The following ACTR3C variants were observed in gnomAD, a reference collection of about 807,000 sequenced individuals.
ACTR3C encodes the protein actin-related protein 3C.
Under a neutral mutation model 26.3 loss-of-function variants are expected in ACTR3C, and 18 were observed. That is an observed-to-expected ratio of 0.68 (90% CI 0.47 to 1.01). ACTR3C has a LOEUF of 1.01. ACTR3C is among the 50% of genes least tolerant of loss of function. ACTR3C has a pLI of 0.00. For synonymous variants in ACTR3C, 55 were observed against 94.5 expected, an observed-to-expected ratio of 0.58 and a Z score of 2.42; for missense variants, 184 against 250.7, an observed-to-expected ratio of 0.73 and a Z score of 1.80.
the ACTR3C span, among the ~76,000 whole-genome samples, chr7:149,983,398 T>TTA: frequency 1.2e-4 from 16 of 130,162 alleles, no homozygotes; most frequent in Admixed American, 2.4e-4. Flanking sequence ...AGGATTGCTA[T>TTA]TATATATCTA....
chr7:150,319,255 T>C (rs1797243726), intron 1 of ACTR3C, among the ~76,000 whole-genome samples: 1 of 151,646 alleles, frequency 6.6e-6, no homozygotes, highest in Admixed American at 6.6e-5. Flanking sequence ...CTAGGCAGGA[T>C]GGAGTCCAAT....
the ACTR3C span, among the ~76,000 whole-genome samples, chr7:150,103,720 A>G: frequency 2.0e-5 from 3 of 151,948 alleles, no homozygotes; most frequent in African/African-American, 7.3e-5. Context: ...TTGCCTTGTC[A>G]TTTATTTTAG....
chr7:150,170,316 T>C, the ACTR3C span, among the ~76,000 whole-genome samples: 1 of 150,856 alleles, frequency 6.6e-6, no homozygotes, highest in African/African-American at 2.5e-5. Context: ...TAACCCAGTT[T>C]TGAAGGTGGC....
At chr7:150,106,427 A>C in the ACTR3C span, among the ~76,000 whole-genome samples, 1 of 151,574 alleles carries the variant, frequency 6.6e-6, no homozygotes, top group African/African-American at 2.4e-5. Context: ...GTTTGAGAGA[A>C]CTGCCTTCTT....
At chr7:150,242,955 A>G (rs1486757986), downstream of ACTR3C, among the ~76,000 whole-genome samples, 4 of 152,222 alleles carry the variant, frequency 2.6e-5, no homozygotes, top group Non-Finnish European at 4.4e-5. Context: ...ATATGTTCTT[A>G]TCCTCTTTCT....
At chr7:150,209,266 CAG>C in the ACTR3C span, among the ~76,000 whole-genome samples, 12 of 134,280 alleles carry the variant, frequency 8.9e-5, no homozygotes, top group South Asian at 2.3e-4. Flanking sequence ...GAGACAGAAA[CAG>C]AGAGAGAGAG....
At chr7:149,907,280 C>T in the ACTR3C span, among the ~76,000 whole-genome samples, 2,244 of 104,516 alleles carry the variant, frequency 0.021, 24 homozygotes, top group African/African-American at 0.077. Flanking sequence ...CTCCATGCCA[C>T]GCAGAGAAAG....
intron 6 of ACTR3C, among the ~76,000 whole-genome samples, chr7:150,276,960 G>T (rs1377913294): frequency 6.6e-6 from 1 of 152,238 alleles, no homozygotes; most frequent in African/African-American, 2.4e-5. Context: ...AGGTGTTGCT[G>T]TCAGGGTGTT....
chr7:149,975,490 G>A, the ACTR3C span, among the ~76,000 whole-genome samples: 1 of 151,898 alleles, frequency 6.6e-6, no homozygotes, highest in Non-Finnish European at 1.5e-5. Context: ...TCTGCCTTAC[G>A]AAACTAGCAA....
chr7:150,035,850 C>G, the ACTR3C span, among the ~76,000 whole-genome samples: 112 of 124,718 alleles, frequency 9.0e-4, 15 homozygotes, highest in Middle Eastern at 0.011. Context: ...CTCTCCCCCC[C>G]TGCGATGGGG....
the ACTR3C span, among the ~76,000 whole-genome samples, chr7:149,963,271 T>C: frequency 6.6e-6 from 1 of 152,224 alleles, no homozygotes; most frequent in East Asian, 1.9e-4. Context: ...AGTGGGGAAC[T>C]GCTGCCCCAG....
At chr7:150,126,584 CA>C in the ACTR3C span, among the ~76,000 whole-genome samples, 1 of 152,204 alleles carries the variant, frequency 6.6e-6, no homozygotes, top group Non-Finnish European at 1.5e-5. Context: ...AAAGTTACTA[CA>C]AAAGGTGCAA....
chr7:150,113,979 G>A, the ACTR3C span, among the ~76,000 whole-genome samples: 1 of 151,996 alleles, frequency 6.6e-6, no homozygotes, highest in Admixed American at 6.5e-5. Flanking sequence ...TAAAGAGATG[G>A]AGAAGACATC....
the ACTR3C span, among the ~76,000 whole-genome samples, chr7:150,159,363 C>T: frequency 6.6e-6 from 1 of 152,308 alleles, no homozygotes; most frequent in East Asian, 1.9e-4. Context: ...CCCTCCCCCA[C>T]AGCTTCCAGG....
chr7:150,028,072 C>T, the ACTR3C span, among the ~76,000 whole-genome samples: 2 of 152,400 alleles, frequency 1.3e-5, no homozygotes, highest in Admixed American at 6.5e-5. Context: ...TGAATTAGTC[C>T]TCTTAATTGA....
the ACTR3C span, among the ~76,000 whole-genome samples, chr7:150,024,725 T>G: frequency 7.2e-6 from 1 of 138,560 alleles, no homozygotes; most frequent in Non-Finnish European, 1.5e-5. Context: ...AATATCAGGG[T>G]AGGCAGCTAC....
chr7:149,993,799 C>T, the ACTR3C span, among the ~76,000 whole-genome samples: 2 of 152,344 alleles, frequency 1.3e-5, no homozygotes, highest in African/African-American at 4.8e-5. Context: ...TCTGACCCCA[C>T]GGGGCTGGCC....
chr7:150,112,710 C>G, the ACTR3C span, among the ~76,000 whole-genome samples: 1 of 152,202 alleles, frequency 6.6e-6, no homozygotes, highest in Non-Finnish European at 1.5e-5. Context: ...CTGAGGCAAT[C>G]CCATCCCCTC....
chr7:150,223,019 T>C, the ACTR3C span, among the ~76,000 whole-genome samples: 2 of 152,260 alleles, frequency 1.3e-5, no homozygotes, highest in Non-Finnish European at 2.9e-5. Context: ...TTGACAGTTA[T>C]GTATATTTGT....
Sources: allele counts gnomAD v4.1 joint callset (sites outside exome capture counted in the v4.1 genomes callset), GRCh38; gene constraint gnomAD v4.1.1; transcripts MANE v1.5; gene names NCBI Gene and HGNC (gene_info 2026-07-23, HGNC 2026-07-21).